NCOR1: variants seen among roughly 807,000 people sequenced by gnomAD.
NCOR1 encodes the protein nuclear receptor corepressor 1.
A neutral mutation model predicts 288.1 loss-of-function variants in NCOR1; 63 were observed. That is an observed-to-expected ratio of 0.22 (90% CI 0.18 to 0.27). NCOR1 has a LOEUF of 0.27. Among genes scored for constraint, NCOR1 ranks in the 10% least tolerant of loss-of-function variants. The probability of loss-of-function intolerance (pLI) is 1.00; values close to 1 mark genes in which losing one functional copy is unlikely to be tolerated. For missense variants in NCOR1, 2,397 were observed against 3,019.2 expected (o/e 0.79, Z 4.83); for synonymous variants, 1,007 against 1,065.9 (o/e 0.94, Z 1.08).
chr17:16,143,627 A>G lies in NCOR1; in HGVS notation c.1152T>C (p.Ile384=), dbSNP rs147007669. ...TTACCTCCTGCTCAGAGAGCCCATCAATAATTTCAGAAATCTCATGCTCAC... is the reference window on the plus strand; with the variant it reads ...TTACCTCCTGCTCAGAGAGCCCATCGATAATTTCAGAAATCTCATGCTCAC... ...ARSEHEISEI[I]DGLSEQENNE... Residue 384 remains isoleucine (I), a synonymous_variant, in exon 11 of 46, where the codon ATT becomes ATC. Transcript: ENST00000268712. 9 of 1,613,626 alleles carry G rather than the reference A, an allele frequency of 5.6e-6. No homozygotes were observed. Among genetic ancestry groups the G allele is most frequent in the Non-Finnish European group, 7.6e-6 (9 of 1,179,698 alleles).
Position 16,127,289 on chromosome 17 carries a change from A to G in NCOR1, c.1510-1083T>C, listed in dbSNP as rs558289470. On this transcript the variant is annotated intron_variant, in intron 14 of 45. Transcript: ENST00000268712. ...TATATGTATGTATATATACGTGTAT[A>G]TATGTATGTATGTATATATACATGT... is the stretch of plus-strand genomic sequence containing the variant. Among the ~76,000 whole-genome samples the G allele has an allele frequency of 3.6e-3, 300 of 84,464 alleles. 61 individuals carry two copies. Among genetic ancestry groups the G allele is most frequent in the Middle Eastern group, 0.021 (3 of 140 alleles). The allele number at this position is 84,464 out of a possible 152,430, so 55.4% of individuals were successfully genotyped here. A position where few individuals can be genotyped will look rare whatever the true frequency, so the allele number is the denominator to read the frequency against.
chr17:16,161,012 T>C (rs928900215), intron 5 of NCOR1, among the ~76,000 whole-genome samples: 3 of 152,138 alleles, frequency 2.0e-5, no homozygotes, highest in African/African-American at 7.2e-5. Flanking sequence ...ATAAGTACTC[T>C]TGCAGTCTGT....
In NCOR1 at chr17:16,118,037, A is replaced by G. The variant is rs1339070050; in HGVS notation, c.1916-10T>C. Reference sequence around the variant, plus strand: ...CCATGTTCTACTAGACCTGCATTTTAAAAACAGACCAAATGTTAATTGAAC... The same window carrying G: ...CCATGTTCTACTAGACCTGCATTTTGAAAACAGACCAAATGTTAATTGAAC... On this transcript the variant is annotated splice_polypyrimidine_tract_variant and intron_variant, in intron 17 of 45. Coordinates refer to ENST00000268712, the MANE Select transcript of NCOR1 (RefSeq NM_006311.4). 2 of 1,608,658 alleles carry G rather than the reference A, an allele frequency of 1.2e-6. No individual in the cohort carries two copies. Among genetic ancestry groups the G allele is most frequent in the African/African-American group, 2.7e-5 (2 of 74,588 alleles).
intron 42 of NCOR1, among the ~76,000 whole-genome samples, chr17:16,044,185 A>AG (rs1555549291): frequency 7.6e-4 from 115 of 151,358 alleles, no homozygotes; most frequent in Non-Finnish European, 1.2e-3. Context: ...AAAAAAAAAA[A>AG]AAAGAAAGAA....
intron 44 of NCOR1, among the ~76,000 whole-genome samples, chr17:16,035,515 A>C (rs1431025555): frequency 6.8e-6 from 1 of 147,654 alleles, no homozygotes; most frequent in East Asian, 2.0e-4. Flanking sequence ...AGGCTCCACT[A>C]CTAGTTCTCT....
chr17:16,127,462 CGT>C lies in NCOR1; in HGVS notation c.1510-1258_1510-1257del, dbSNP rs1197765148. ...GTATATATGTGTATATGTATATATA[CGT>C]GTATGTGTATATATACACGTGTGTA... On this transcript the variant is annotated intron_variant, in intron 14 of 45. Transcript: ENST00000268712. Among the ~76,000 whole-genome samples, 2 of 137,576 alleles carry C rather than the reference CGT, an allele frequency of 1.5e-5. 1 individual carries two copies. The highest frequency in any genetic ancestry group is 4.5e-4 in the South Asian group (2 of 4,400). 90.3% of individuals were successfully genotyped at this position (137,576 alleles called of 152,430 possible).
intron 44 of NCOR1, 82 bp downstream of exon 44, chr17:16,039,351 C>A (rs773242559): frequency 2.2e-5 from 29 of 1,302,520 alleles, no homozygotes; most frequent in Non-Finnish European, 2.5e-5. Flanking sequence ...AATGAAATGT[C>A]TTAGTGATGC....
At chr17:16,049,735 G>A (rs1014420988) in intron 40 of NCOR1, among the ~76,000 whole-genome samples, 3 of 151,922 alleles carry the variant, frequency 2.0e-5, no homozygotes, top group Non-Finnish European at 2.9e-5. Context: ...ATAGGCATGC[G>A]CCACCATACC....
In NCOR1 at chr17:16,057,567, T is replaced by C. The variant is rs1276457701; in HGVS notation, c.6339A>G (p.Gln2113=). 5 of 1,614,184 alleles carry C rather than the reference T, an allele frequency of 3.1e-6. No individual in the cohort carries two copies. The highest frequency in any genetic ancestry group is 4.2e-6 in the Non-Finnish European group (5 of 1,180,030). The change falls in exon 40 of 46, where the codon CAA becomes CAG. Residue 2113 remains glutamine (Q), a synonymous_variant. Coordinates refer to ENST00000268712, the MANE Select transcript of NCOR1 (RefSeq NM_006311.4). ...PESQAQSVHH[Q]RPGSRVSPEN... The stretch of plus-strand genomic sequence containing the variant: ...CTGGAGAGACCCTTGAACCTGGTCT[T>C]TGATGATGGACAGACTGAGCCTGGG...
At chr17:16,182,908 AAGAAG>A (rs1377336476) in intron 3 of NCOR1, among the ~76,000 whole-genome samples, 7 of 152,190 alleles carry the variant, frequency 4.6e-5, no homozygotes, top group African/African-American at 1.4e-4. Flanking sequence ...TACTGGTAAA[AAGAAG>A]AGAAGTAAAA....
chr17:16,043,957 G>C (rs1026315522), intron 42 of NCOR1, among the ~76,000 whole-genome samples: 2 of 152,094 alleles, frequency 1.3e-5, no homozygotes, highest in African/African-American at 2.4e-5. Context: ...ATCACCTGAG[G>C]TCAGGAGTTC....
At chr17:16,067,817 TACA>T (rs2061311022) in intron 32 of NCOR1, 74 bp downstream of exon 32, 3 of 1,360,420 alleles carry the variant, frequency 2.2e-6, no homozygotes, top group East Asian at 2.4e-5. Context: ...TACTATATTG[TACA>T]ACAACAGAAA....
intron 4 of NCOR1, among the ~76,000 whole-genome samples, chr17:16,167,130 C>CTTG (rs758867873): frequency 3.9e-5 from 6 of 152,156 alleles, no homozygotes; most frequent in Non-Finnish European, 8.8e-5. Context: ...ATTCAGCAGA[C>CTTG]TTCAAAAGTG....
intron 16 of NCOR1, among the ~76,000 whole-genome samples, chr17:16,120,244 T>G (rs761716822): frequency 2.0e-5 from 3 of 152,146 alleles, no homozygotes; most frequent in Non-Finnish European, 2.9e-5. Context: ...CAGCCTTTAT[T>G]CTGTCTAAAC....
intron 3 of NCOR1, among the ~76,000 whole-genome samples, chr17:16,175,063 T>C (rs1313399940): frequency 2.0e-5 from 3 of 151,982 alleles, no homozygotes; most frequent in Non-Finnish European, 4.4e-5. Flanking sequence ...ACAGCAAATT[T>C]TCACATAAAG....
chr17:16,116,491 T>A (rs1472780371), intron 18 of NCOR1, among the ~76,000 whole-genome samples: 1 of 152,222 alleles, frequency 6.6e-6, no homozygotes, highest in Non-Finnish European at 1.5e-5. Flanking sequence ...AAACTCAAAA[T>A]TTTAAAGTGG....
At chr17:16,127,414 T>C (rs1238037330) in intron 14 of NCOR1, among the ~76,000 whole-genome samples, 2 of 90,374 alleles carry the variant, frequency 2.2e-5, no homozygotes, top group South Asian at 2.7e-4. Flanking sequence ...TGTGTATGTA[T>C]ATATACATGT....
At chr17:16,152,519 T>C (rs1278699343) in intron 7 of NCOR1, among the ~76,000 whole-genome samples, 1 of 152,194 alleles carries the variant, frequency 6.6e-6, no homozygotes, top group Non-Finnish European at 1.5e-5. Flanking sequence ...TTCCATGGTG[T>C]ATATGTGCCA....
In NCOR1 at chr17:16,057,560, C is replaced by A; in HGVS notation, c.6346G>T (p.Gly2116Cys). 4 of 1,614,114 alleles carry A rather than the reference C, an allele frequency of 2.5e-6. No homozygotes were observed. The highest frequency in any genetic ancestry group is 3.4e-6 in the Non-Finnish European group (4 of 1,180,024). ...AGATTTTCTGGAGAGACCCTTGAAC[C>A]TGGTCTTTGATGATGGACAGACTGA... ...QAQSVHHQRP[G>C]SRVSPENLVD... is the part of the protein sequence containing the mutation. Residue 2116 changes from glycine (G) to cysteine (C), a missense_variant, in exon 40 of 46, where the codon GGT (glycine) becomes TGT (cysteine). Gly to Cys is a radical substitution (Grantham distance 159). Coordinates refer to ENST00000268712, the MANE Select transcript of NCOR1 (RefSeq NM_006311.4).
Sources: allele counts gnomAD v4.1 joint callset (sites outside exome capture counted in the v4.1 genomes callset), GRCh38; gene constraint gnomAD v4.1.1; transcripts MANE v1.5; gene names NCBI Gene and HGNC (gene_info 2026-07-23, HGNC 2026-07-21).